The following CBX5 variants were observed in gnomAD, a reference collection of about 807,000 sequenced individuals.
CBX5 encodes the protein chromobox 5, also known as chromobox protein homolog 5.
CBX5 carries 7 observed loss-of-function variants against 20.7 expected under a neutral mutation model. The ratio of observed to expected loss-of-function variants is 0.34; its 90% confidence interval spans 0.19 to 0.63. CBX5 has a LOEUF of 0.63. CBX5 is among the 30% of genes least tolerant of loss of function. CBX5 has a pLI of 0.75. For missense variants in CBX5, 110 were observed against 224.1 expected (o/e 0.49, Z 3.25); for synonymous variants, 78 against 77.0 (o/e 1.01, Z -0.07).
At chr12:54,252,394 GAAAA>G in intron 2 of CBX5, 167 bp from the exon 3 acceptor site, 6 of 267,390 alleles carry the variant, frequency 2.2e-5, no homozygotes, top group East Asian at 5.6e-5. Context: ...CAGGAAAAAT[GAAAA>G]AAAAAAAAAA....
chr12:54,243,546 G>A (rs1204868831), intron 4 of CBX5, among the ~76,000 whole-genome samples: 1 of 151,916 alleles, frequency 6.6e-6, no homozygotes, highest in Non-Finnish European at 1.5e-5. Flanking sequence ...GGGTGACAGG[G>A]CGAGACACTG....
intron 2 of CBX5, 64 bp downstream of exon 2, chr12:54,257,450 G>C: frequency 6.5e-7 from 1 of 1,543,604 alleles, no homozygotes. Flanking sequence ...TGATTCCTAA[G>C]GAAGTAAACC....
chr12:54,248,407 AT>A (rs547863490), intron 3 of CBX5, among the ~76,000 whole-genome samples: 103 of 152,328 alleles, frequency 6.8e-4, no homozygotes, highest in African/African-American at 2.4e-3. Context: ...CTACTGCCCG[AT>A]TTTCATAATA....
chr12:54,251,236 G>A (rs551465964), intron 3 of CBX5, among the ~76,000 whole-genome samples: 6 of 151,978 alleles, frequency 3.9e-5, no homozygotes, highest in Admixed American at 1.3e-4. Context: ...CAAGGCAGGC[G>A]GATCACGAGG....
intron 1 of CBX5, among the ~76,000 whole-genome samples, chr12:54,260,472 C>T (rs1377760706): frequency 1.3e-5 from 2 of 150,510 alleles, no homozygotes; most frequent in African/African-American, 2.5e-5. Flanking sequence ...CCAGCCTGGG[C>T]GACAAGAGTG....
rs34812446 is a variant in CBX5, at chr12:54,254,331, CAAAAAAAAA to C, written c.138-2113_138-2105del. Among the ~76,000 whole-genome samples the C allele has an allele frequency of 5.5e-5, 3 of 54,920 alleles. No homozygotes were observed. The South Asian group carries it at 2.0e-3, about 37-fold the overall frequency. 36.0% of individuals were successfully genotyped at this position (54,920 alleles called of 152,430 possible). A position where few individuals can be genotyped will look rare whatever the true frequency, so the allele number is the denominator to read the frequency against. On this transcript the variant is annotated intron_variant, in intron 2 of 4. Transcript: ENST00000209875. ...GGGCAACAAGAGTGAAACTCCATCT[CAAAAAAAAA>C]AAAAAAAAAAAAAGGTTTATTTAGA... is the stretch of plus-strand genomic sequence containing the variant.
rs1430058485 is a variant in CBX5, at chr12:54,231,671, A to G, written c.*10084T>C. The G allele has an allele frequency of 6.6e-6, 1 of 152,336 alleles. No individual in the cohort carries two copies. The highest frequency in any genetic ancestry group is 2.4e-5 in the African/African-American group (1 of 41,474). 9.4% of individuals were successfully genotyped at this position (152,336 alleles called of 1,614,324 possible). A position where few individuals can be genotyped will look rare whatever the true frequency, so the allele number is the denominator to read the frequency against. On this transcript the variant is annotated 3_prime_UTR_variant, in exon 5 of 5. Transcript: ENST00000209875. ...ACCTGGCCAAGTAGAAATAGTGTCC[A>G]AAGTTTTCTCAAACCAGAGGGAAAA...
intron 4 of CBX5, among the ~76,000 whole-genome samples, chr12:54,245,282 ATT>A (rs1943722788): frequency 6.6e-6 from 1 of 150,710 alleles, no homozygotes; most frequent in Non-Finnish European, 1.5e-5. Flanking sequence ...AAGTGTTGGG[ATT>A]ACAGGTGTGA....
Position 54,246,915 on chromosome 12 carries a change from C to A in CBX5, c.325-700G>T, listed in dbSNP as rs1414791265. 2.0e-5 allele frequency among the ~76,000 whole-genome samples: 3 copies of A among 151,944 alleles called. No homozygotes were observed. The East Asian group carries it at 5.8e-4, about 29-fold the overall frequency. ...AAGCTTCTGAAATGGTAAAGAATAC[C>A]ATGTTTACCCTAACTGTATCTTTTC... On this transcript the variant is annotated intron_variant, in intron 3 of 4. Transcript: ENST00000209875.
At chr12:54,259,608 A>T (rs1434566182) in intron 1 of CBX5, 1 of 152,768 alleles carries the variant, frequency 6.5e-6, no homozygotes, top group Non-Finnish European at 1.5e-5. Context: ...GCCCCCACCC[A>T]GCTGCCTGGG....
At chr12:54,269,636 C>T (rs1313453084) in intron 1 of CBX5, among the ~76,000 whole-genome samples, 1 of 152,180 alleles carries the variant, frequency 6.6e-6, no homozygotes, top group Non-Finnish European at 1.5e-5. Flanking sequence ...ATCCACCCAC[C>T]TCAGCCTCCC....
rs111568134 is a variant in CBX5, at chr12:54,256,917, G to A, written c.137+597C>T. 4.1e-3 allele frequency among the ~76,000 whole-genome samples: 622 copies of A among 152,240 alleles called. 8 individuals are homozygous for A. Among genetic ancestry groups the A allele is most frequent in the African/African-American group, 0.014 (585 of 41,546 alleles). ...AAAACACAGTCACCCAGGCTGGAGT[G>A]CAGTGGCGCAATCTTGGCTCACTGC... On this transcript the variant is annotated intron_variant, in intron 2 of 4. Transcript: ENST00000209875.
In CBX5 at chr12:54,233,556, T is replaced by C. The variant is rs561197745; in HGVS notation, c.*8199A>G. The C allele has an allele frequency of 2.0e-5, 3 of 152,362 alleles. No individual in the cohort carries two copies. The highest frequency in any genetic ancestry group is 1.9e-4 in the East Asian group (1 of 5,194). 9.4% of individuals were successfully genotyped at this position (152,362 alleles called of 1,614,324 possible). ...GGCAGAAAGCCTCTCCTTTCTTCCATACCTCTTCACAGCAGCCAGTGTAGG... is the reference window on the plus strand; with the variant it reads ...GGCAGAAAGCCTCTCCTTTCTTCCACACCTCTTCACAGCAGCCAGTGTAGG... On this transcript the variant is annotated 3_prime_UTR_variant, in exon 5 of 5. Coordinates refer to ENST00000209875, the MANE Select transcript of CBX5 (RefSeq NM_012117.3).
rs1943590520 is a variant in CBX5 at position 54,233,566 on chromosome 12, C to T, written c.*8189G>A. The T allele has an allele frequency of 6.6e-6, 1 of 152,234 alleles. No homozygotes were observed. Among genetic ancestry groups the T allele is most frequent in the African/African-American group, 2.4e-5 (1 of 41,450 alleles). The allele number at this position is 152,234 out of a possible 1,614,324, so 9.4% of individuals were successfully genotyped here. A position where few individuals can be genotyped will look rare whatever the true frequency, so the allele number is the denominator to read the frequency against. ...CTCTCCTTTCTTCCATACCTCTTCA[C>T]AGCAGCCAGTGTAGGAAGTCCCCAC... On this transcript the variant is annotated 3_prime_UTR_variant, in exon 5 of 5. Coordinates refer to ENST00000209875, the MANE Select transcript of CBX5 (RefSeq NM_012117.3).
At chr12:54,275,736 T>C (rs188886473) in intron 1 of CBX5, among the ~76,000 whole-genome samples, 7 of 151,824 alleles carry the variant, frequency 4.6e-5, no homozygotes, top group African/African-American at 1.7e-4. Context: ...CTGGGCACAG[T>C]GGCTCACACC....
At chr12:54,266,126 C>T (rs551939007) in intron 1 of CBX5, among the ~76,000 whole-genome samples, 9 of 150,020 alleles carry the variant, frequency 6.0e-5, no homozygotes, top group South Asian at 4.2e-4. Flanking sequence ...TAGATAAAAA[C>T]GGCTGCGTGC....
In CBX5 at chr12:54,232,328, C is replaced by T. The variant is rs1943576858; in HGVS notation, c.*9427G>A. 1 of 152,240 alleles carries T rather than the reference C, an allele frequency of 6.6e-6. No homozygotes were observed. Among genetic ancestry groups the T allele is most frequent in the South Asian group, 2.1e-4 (1 of 4,826 alleles). 9.4% of individuals were successfully genotyped at this position (152,240 alleles called of 1,614,324 possible). A position where few individuals can be genotyped will look rare whatever the true frequency, so the allele number is the denominator to read the frequency against. The stretch of plus-strand genomic sequence containing the variant: ...TAAGTAGTTCCAGTCTTGGAGACAG[C>T]TCAGTGAGGACCAAAGCCTGTGTGT... On this transcript the variant is annotated 3_prime_UTR_variant, in exon 5 of 5. Transcript: ENST00000209875.
At chr12:54,243,492 G>T (rs1387759106) in intron 4 of CBX5, among the ~76,000 whole-genome samples, 1 of 151,656 alleles carries the variant, frequency 6.6e-6, no homozygotes, top group Non-Finnish European at 1.5e-5. Context: ...GCTCAGGAGG[G>T]CAAGGCTGCA....
intron 1 of CBX5, among the ~76,000 whole-genome samples, chr12:54,270,894 A>G (rs926182594): frequency 6.6e-6 from 1 of 151,932 alleles, no homozygotes. Context: ...TCTACAAAAA[A>G]AGAAAAAAGG....
Sources: allele counts gnomAD v4.1 joint callset (sites outside exome capture counted in the v4.1 genomes callset), GRCh38; gene constraint gnomAD v4.1.1; transcripts MANE v1.5; gene names NCBI Gene and HGNC (gene_info 2026-07-23, HGNC 2026-07-21).